The following NADSYN1 variants were observed in gnomAD, a reference collection of about 807,000 sequenced individuals.
NADSYN1 encodes glutamine-dependent NAD(+) synthetase.
NADSYN1 carries 80 observed loss-of-function variants against 99.3 expected under a neutral mutation model. The ratio of observed to expected loss-of-function variants is 0.81; its 90% CI spans 0.67 to 0.97. NADSYN1 has a LOEUF of 0.97. NADSYN1 is among the 50% of genes least tolerant of loss of function. The pLI is 0.00. For missense variants in NADSYN1, 859 were observed against 948.5 expected (o/e 0.91, Z 1.24); for synonymous variants, 385 against 372.1 (o/e 1.03, Z -0.40).
At chr11:71,478,245 T>C in intron 9 of NADSYN1, 150 bp from the exon 10 acceptor site, 1 of 652,366 alleles carries the variant, frequency 1.5e-6, no homozygotes, top group African/African-American at 1.8e-5. Flanking sequence ...TCCGCCTCAA[T>C]GTCATCTGCC....
intron 18 of NADSYN1, among the ~76,000 whole-genome samples, chr11:71,492,609 A>T (rs1399223181): frequency 6.6e-6 from 1 of 152,014 alleles, no homozygotes; most frequent in Non-Finnish European, 1.5e-5. Flanking sequence ...TGTTCCATAG[A>T]TCTTTTCTGT....
In NADSYN1 at chr11:71,470,280, G is replaced by C. The variant is rs144306552; in HGVS notation, c.408-2169G>C. Among the ~76,000 whole-genome samples the C allele has an allele frequency of 6.6e-3, 1,009 of 152,338 alleles. 23 individuals carry two copies. In the East Asian group the frequency reaches 0.097, roughly 15 times the overall value. ...GAGCTATGATTCAAGATGAGATTTG[G>C]GTGGGGACACAGCCAGACCATATCA... On this transcript the variant is annotated intron_variant, in intron 5 of 20. Transcript: ENST00000319023.
At chr11:71,461,670 G>A (rs573763788) in intron 3 of NADSYN1, among the ~76,000 whole-genome samples, 46 of 152,014 alleles carry the variant, frequency 3.0e-4, no homozygotes, top group Non-Finnish European at 4.9e-4. Context: ...CTTGTGATCC[G>A]CCTGCCTCAG....
intron 7 of NADSYN1, 87 bp from the exon 8 acceptor site, chr11:71,473,482 C>T (rs773186864): frequency 7.6e-5 from 116 of 1,527,426 alleles, no homozygotes; most frequent in Non-Finnish European, 9.9e-5. Context: ...GGGCTGGGAG[C>T]TGCCGTGGGA....
chr11:71,501,660 A>C lies in NADSYN1; in HGVS notation c.*308A>C. 2 of 411,942 alleles carry C rather than the reference A, an allele frequency of 4.9e-6. No homozygotes were observed. The allele number at this position is 411,942 out of a possible 1,614,324, so 25.5% of individuals were successfully genotyped here. On this transcript the variant is annotated 3_prime_UTR_variant, in exon 21 of 21. Coordinates refer to ENST00000319023, the MANE Select transcript of NADSYN1 (RefSeq NM_018161.5). ...GGTTCCAACCGCCGCCCCGTGTGGCATCTTTGCTGCAGGAACAAGAACAGT... is the reference window on the plus strand; with the variant it reads ...GGTTCCAACCGCCGCCCCGTGTGGCCTCTTTGCTGCAGGAACAAGAACAGT...
chr11:71,480,868 G>C lies in NADSYN1; in HGVS notation c.987G>C (p.Glu329Asp), dbSNP rs754528637. The change falls in exon 11 of 21, where the codon GAG (glutamate) becomes GAC (aspartate). Residue 329 changes from glutamate (E) to aspartate (D), a missense_variant. Transcript: ENST00000319023. ...EPIEWKYHSP[E>D]EEISLGPACW... ...TCGAGTGGAAATACCACAGCCCTGA[G>C]GAGGAGATAAGGTGTGTGGCCCCTG... 10 of 1,614,134 alleles carry C rather than the reference G, an allele frequency of 6.2e-6. No individual in the cohort carries two copies. The East Asian group carries it at 2.2e-4, about 36-fold the overall frequency.
intron 3 of NADSYN1, chr11:71,459,859 T>C (rs12790558): frequency 0.53 from 81,446 of 152,248 alleles, 25,598 homozygotes; most frequent in Non-Finnish European, 0.74. Flanking sequence ...TAATTGGTCC[T>C]GTGGACTCTC....
At chr11:71,482,696 G>C in intron 13 of NADSYN1, 153 bp from the exon 14 acceptor site, 1 of 604,882 alleles carries the variant, frequency 1.7e-6, no homozygotes, top group Non-Finnish European at 2.8e-6. Flanking sequence ...CAGGCACCTG[G>C]GGGTGTAGAC....
intron 5 of NADSYN1, among the ~76,000 whole-genome samples, chr11:71,469,581 C>T (rs1949613880): frequency 6.6e-6 from 1 of 152,196 alleles, no homozygotes; most frequent in Admixed American, 6.5e-5. Context: ...AAGGGATGGG[C>T]TCTGGCTAGT....
At chr11:71,477,102 C>G (rs1169125731) in intron 9 of NADSYN1, 4 of 1,125,982 alleles carry the variant, frequency 3.6e-6, no homozygotes, top group Non-Finnish European at 4.4e-6. Flanking sequence ...GTCACCCCTT[C>G]TGCCTCCTGC....
Position 71,473,299 on chromosome 11 carries a change from G to A in NADSYN1, c.481G>A (p.Ala161Thr). ...GCAGGAAACCGTACCCTTCGGAGAT[G>A]CGGTGCTGGTGACATGGGACACCTG... is the stretch of plus-strand genomic sequence containing the variant. ...TKQETVPFGDAVLVTWDTCIG... is the reference protein window; with the variant it reads ...TKQETVPFGDTVLVTWDTCIG... The change falls in exon 7 of 21, where the codon GCG becomes ACG. Residue 161 changes from alanine to threonine, a missense_variant. By Grantham distance (58) the Ala-to-Thr change is moderately conservative. Transcript: ENST00000319023. The A allele has an allele frequency of 6.2e-7, 1 of 1,614,234 alleles. No homozygotes were observed. The highest frequency in any genetic ancestry group is 8.5e-7 in the Non-Finnish European group (1 of 1,180,040).
intron 8 of NADSYN1, among the ~76,000 whole-genome samples, chr11:71,473,934 G>A (rs1210069255): frequency 2.6e-5 from 4 of 152,228 alleles, no homozygotes; most frequent in Non-Finnish European, 4.4e-5. Flanking sequence ...GAACCGGAAC[G>A]TGCTCCTTGT....
chr11:71,469,284 C>T (rs1393077622), intron 5 of NADSYN1, among the ~76,000 whole-genome samples: 2 of 152,156 alleles, frequency 1.3e-5, no homozygotes, highest in Admixed American at 6.5e-5. Context: ...GCCTGGGCAA[C>T]GTGGTGAAAC....
intron 15 of NADSYN1, 85 bp downstream of exon 15, chr11:71,484,532 A>G: frequency 6.7e-7 from 1 of 1,486,164 alleles, no homozygotes; most frequent in Non-Finnish European, 9.0e-7. Context: ...AGGTGCCCCC[A>G]CCTGGGCCAT....
chr11:71,476,375 C>T (rs184300672), intron 9 of NADSYN1: 49 of 346,308 alleles, frequency 1.4e-4, no homozygotes, highest in Middle Eastern at 2.1e-3. Context: ...GCGAGGCTGT[C>T]TGAGCAGTTC....
At chr11:71,480,359 A>G (rs1412781537) in intron 10 of NADSYN1, 9 of 187,776 alleles carry the variant, frequency 4.8e-5, no homozygotes, top group Non-Finnish European at 9.0e-5. Flanking sequence ...ATTTTAGTAG[A>G]GACAGGGTTT....
chr11:71,456,579 C>G (rs987149221), intron 2 of NADSYN1, among the ~76,000 whole-genome samples: 1 of 152,212 alleles, frequency 6.6e-6, no homozygotes, highest in African/African-American at 2.4e-5. Flanking sequence ...TGATGTTGCC[C>G]AGATGCTTAG....
intron 3 of NADSYN1, 162 bp downstream of exon 3, chr11:71,458,706 C>G (rs987932183): frequency 5.1e-6 from 3 of 588,864 alleles, no homozygotes; most frequent in Non-Finnish European, 9.2e-6. Context: ...ATCTCAGCCC[C>G]GTAAGCCACC....
chr11:71,484,563 C>A, intron 15 of NADSYN1, 116 bp downstream of exon 15: 1 of 1,392,276 alleles, frequency 7.2e-7, no homozygotes, highest in Admixed American at 2.4e-5. Flanking sequence ...AAGCTCATGG[C>A]ACCGGTTACC....
Sources: allele counts gnomAD v4.1 joint callset (sites outside exome capture counted in the v4.1 genomes callset), GRCh38; gene constraint gnomAD v4.1.1; transcripts MANE v1.5; gene names NCBI Gene and HGNC (gene_info 2026-07-23, HGNC 2026-07-21).